Variants in TUBA1C observed in about 807,000 individuals in gnomAD.
TUBA1C encodes tubulin alpha 1c.
In TUBA1C, 16 loss-of-function variants were observed where a neutral mutation model predicts 34.9. The ratio of observed to expected loss-of-function variants is 0.46; its 90% CI spans 0.31 to 0.70. The LOEUF (loss-of-function observed/expected upper bound fraction) is 0.70. Ranked by LOEUF, TUBA1C falls within the 30% of genes least tolerant of loss-of-function variation. TUBA1C has a pLI of 0.05. For synonymous variants in TUBA1C, 177 were observed against 215.9 expected, an observed-to-expected ratio of 0.82 and a Z score of 1.58; for missense variants, 329 against 587.3, an observed-to-expected ratio of 0.56 and a Z score of 4.55.
At chr12:49,269,755 C>T (rs2137021918) in intron 2 of TUBA1C, 68 bp downstream of exon 2, 2 of 1,613,168 alleles carry the variant, frequency 1.2e-6, no homozygotes, top group East Asian at 2.2e-5. Flanking sequence ...CCTGGGGGGG[C>T]TCCGCTGGTC....
chr12:49,272,230 A>AAT (rs747834833), intron 3 of TUBA1C, 23 bp from the exon 4 acceptor site: 77 of 1,576,926 alleles, frequency 4.9e-5, no homozygotes, highest in Non-Finnish European at 6.4e-5. Context: ...GCAACACTAA[A>AAT]ATGAAACTTT....
intron 1 of TUBA1C, among the ~76,000 whole-genome samples, chr12:49,251,538 G>A (rs144601330): frequency 8.5e-5 from 13 of 152,272 alleles, no homozygotes; most frequent in African/African-American, 3.1e-4. Flanking sequence ...ACTTTGGGAG[G>A]CCGAGATGGA....
At chr12:49,238,614 T>G (rs926520668) in intron 1 of TUBA1C, among the ~76,000 whole-genome samples, 2 of 152,188 alleles carry the variant, frequency 1.3e-5, no homozygotes, top group African/African-American at 4.8e-5. Context: ...AAGGAAGCAC[T>G]TATTTTTGTT....
At chr12:49,270,387 C>T (rs1942975163) in intron 3 of TUBA1C, among the ~76,000 whole-genome samples, 1 of 152,210 alleles carries the variant, frequency 6.6e-6, no homozygotes, top group Non-Finnish European at 1.5e-5. Flanking sequence ...ACTTCCAGTA[C>T]TGCTGAAAGT....
Position 49,272,250 on chromosome 12 carries a change from C to T in TUBA1C, c.376-3C>T. 1 of 1,582,374 alleles carries T rather than the reference C, an allele frequency of 6.3e-7. No homozygotes were observed. The highest frequency in any genetic ancestry group is 8.6e-7 in the Non-Finnish European group (1 of 1,167,176). ...ACTAAAATGAAACTTTTTTATTTTG[C>T]AGGCTGACCAGTGCACCGGTCTTCA... On this transcript the variant is annotated splice_polypyrimidine_tract_variant and splice_region_variant and intron_variant, in intron 3 of 3. Coordinates refer to ENST00000301072, the MANE Select transcript of TUBA1C (RefSeq NM_032704.5).
chr12:49,240,151 C>A (rs889502949), intron 1 of TUBA1C, among the ~76,000 whole-genome samples: 17 of 151,802 alleles, frequency 1.1e-4, no homozygotes, highest in African/African-American at 4.1e-4. Flanking sequence ...TATAAAAAGG[C>A]TGCCCACTCC....
chr12:49,228,426 T>C (rs924245249), intron 1 of TUBA1C, among the ~76,000 whole-genome samples: 10 of 152,224 alleles, frequency 6.6e-5, no homozygotes, highest in African/African-American at 2.4e-4. Flanking sequence ...GCAAAACACA[T>C]TAATTATATT....
chr12:49,268,413 T>C (rs975258107), intron 1 of TUBA1C, among the ~76,000 whole-genome samples: 1 of 151,958 alleles, frequency 6.6e-6, no homozygotes, highest in Non-Finnish European at 1.5e-5. Flanking sequence ...TTTTTTTTTT[T>C]TTTGTATTTT....
In TUBA1C at chr12:49,272,297, C is replaced by T; in HGVS notation, c.420C>T (p.Ser140=). The change falls in exon 4 of 4, where the codon AGC becomes AGT. Residue 140 remains serine, a synonymous_variant. Transcript: ENST00000301072. ...TGLQGFLVFH[S]FGGGTGSGFT... The stretch of plus-strand genomic sequence containing the variant: ...TTCAGGGCTTCTTGGTTTTCCACAG[C>T]TTTGGTGGGGGAACTGGTTCTGGGT... 3 of 1,613,952 alleles carry T rather than the reference C, an allele frequency of 1.9e-6. No homozygotes were observed. The highest frequency in any genetic ancestry group is 1.1e-5 in the South Asian group (1 of 91,072).
intron 1 of TUBA1C, among the ~76,000 whole-genome samples, chr12:49,257,474 A>AT (rs900786068): frequency 1.3e-4 from 19 of 150,112 alleles, no homozygotes; most frequent in Non-Finnish European, 1.9e-4. Flanking sequence ...AGAGGCATTT[A>AT]TTTTTTTTTT....
intron 1 of TUBA1C, among the ~76,000 whole-genome samples, chr12:49,245,216 A>C (rs1232513463): frequency 6.6e-6 from 1 of 152,064 alleles, no homozygotes; most frequent in East Asian, 1.9e-4. Context: ...GAGGTGGGCA[A>C]ATTCTTTCCC....
At chr12:49,259,551 G>A (rs776830298) in intron 1 of TUBA1C, among the ~76,000 whole-genome samples, 2 of 152,072 alleles carry the variant, frequency 1.3e-5, no homozygotes, top group Admixed American at 6.6e-5. Context: ...AGTTACAATC[G>A]CCTAAGTATT....
At chr12:49,243,135 G>A (rs990713593) in intron 1 of TUBA1C, among the ~76,000 whole-genome samples, 5 of 152,194 alleles carry the variant, frequency 3.3e-5, no homozygotes, top group East Asian at 3.9e-4. Flanking sequence ...GAAGCTTGCC[G>A]TGAATTTGTT....
Position 49,269,564 on chromosome 12 carries a change from C to T in TUBA1C, c.103C>T (p.Gln35Ter), listed in dbSNP as rs1454828500. 1 of 1,614,212 alleles carries T rather than the reference C, an allele frequency of 6.2e-7. No individual in the cohort carries two copies. Among genetic ancestry groups the T allele is most frequent in the East Asian group, 2.2e-5 (1 of 44,890 alleles). ...GGAACACGGCATCCAGCCCGATGGC[C>T]AGATGCCAAGTGACAAGACCATTGG... Reference protein sequence around the residue: ...CLEHGIQPDGQMPSDKTIGGG... With the variant: ...CLEHGIQPDG The change falls in exon 2 of 4, where the codon CAG becomes TAG. Residue 35 changes from glutamine to a stop codon, truncating the protein, a stop_gained. Transcript: ENST00000301072. LOFTEE classifies it high-confidence loss of function.
Position 49,269,586 on chromosome 12 carries a change from T to C in TUBA1C, c.125T>C (p.Ile42Thr), listed in dbSNP as rs138486283. Residue 42 changes from isoleucine to threonine, a missense_variant, in exon 2 of 4, where the codon ATT (isoleucine) becomes ACT (threonine). Ile to Thr is a moderately conservative substitution (Grantham distance 89, BLOSUM62 -1). Around this residue, in one of 4 missense-constraint regions of TUBA1C, gnomAD observed 152 missense variants for 240.3 expected, o/e 0.63. Coordinates refer to ENST00000301072, the MANE Select transcript of TUBA1C (RefSeq NM_032704.5). ...GGCCAGATGCCAAGTGACAAGACCA[T>C]TGGGGGAGGAGATGATTCCTTCAAC... ...PDGQMPSDKT[I>T]GGGDDSFNTF... 1,573 of 1,614,178 alleles carry C rather than the reference T, an allele frequency of 9.7e-4. 46 individuals carry two copies. The East Asian group carries it at 0.031, about 32-fold the overall frequency.
intron 1 of TUBA1C, among the ~76,000 whole-genome samples, chr12:49,255,520 G>A (rs975087579): frequency 3.3e-5 from 5 of 151,418 alleles, no homozygotes; most frequent in Non-Finnish European, 7.4e-5. Flanking sequence ...CCAAAGTGCT[G>A]GAATTACAGT....
upstream of TUBA1C, among the ~76,000 whole-genome samples, chr12:49,261,022 C>T (rs1942835410): frequency 1.3e-5 from 2 of 152,162 alleles, no homozygotes; most frequent in Admixed American, 1.3e-4. Flanking sequence ...AAATGAGCCA[C>T]CTCACCTGGC....
upstream of TUBA1C, chr12:49,265,071 G>A (rs1160572966): frequency 4.2e-5 from 58 of 1,391,096 alleles, no homozygotes; most frequent in Non-Finnish European, 5.3e-5. Context: ...TTCGGGGCCG[G>A]CCACCCTTTC....
chr12:49,266,718 G>A (rs538678419), intron 1 of TUBA1C, among the ~76,000 whole-genome samples: 6 of 151,896 alleles, frequency 4.0e-5, no homozygotes, highest in African/African-American at 1.4e-4. Flanking sequence ...GCGTCGTGGT[G>A]CGTGCCTGTA....
Sources: gnomAD v4.1 joint callset for allele counts (sites outside exome capture counted in the v4.1 genomes callset) on GRCh38, gnomAD v4.1.1 for gene constraint, gnomAD v4.1.1 regional missense constraint, MANE v1.5 for transcripts, NCBI Gene and HGNC (gene_info 2026-07-23, HGNC 2026-07-21) for gene names.